The following POPDC1 variants were observed in gnomAD, a reference collection of about 807,000 sequenced individuals.
The protein encoded by POPDC1 is popeye domain-containing protein 1.
the POPDC1 span, chr6:105,133,291 G>A: frequency 2.9e-6 from 4 of 1,383,944 alleles, no homozygotes; most frequent in Non-Finnish European, 4.0e-6. Context: ...AGCTCTCAAT[G>A]TAAAGCCCAT....
the POPDC1 span, chr6:105,097,041 T>G: frequency 6.6e-6 from 1 of 152,630 alleles, no homozygotes; most frequent in Non-Finnish European, 1.5e-5. Context: ...CAGAAAAACC[T>G]ATAAATAGTA....
At chr6:105,111,012 A>G in the POPDC1 span, among the ~76,000 whole-genome samples, 13 of 152,328 alleles carry the variant, frequency 8.5e-5, no homozygotes, top group South Asian at 2.7e-3. Context: ...GACACTAATA[A>G]CAAACAAAAT....
At chr6:105,107,780 G>A in the POPDC1 span, among the ~76,000 whole-genome samples, 1 of 152,122 alleles carries the variant, frequency 6.6e-6, no homozygotes, top group Non-Finnish European at 1.5e-5. Flanking sequence ...AATTTTTGAA[G>A]AATGGGAATG....
At chr6:105,108,850 G>T in the POPDC1 span, among the ~76,000 whole-genome samples, 7 of 152,202 alleles carry the variant, frequency 4.6e-5, no homozygotes, top group Admixed American at 2.0e-4. Context: ...AAGGCTAATT[G>T]CAGTTATAAA....
At chr6:105,125,611 A>G in the POPDC1 span, 26 of 1,596,568 alleles carry the variant, frequency 1.6e-5, no homozygotes, top group Non-Finnish European at 2.1e-5. Context: ...TGCTTCACCA[A>G]TGCAGCAGCA....
the POPDC1 span, chr6:105,133,568 T>C: frequency 6.4e-7 from 1 of 1,572,514 alleles, no homozygotes; most frequent in East Asian, 2.3e-5. Flanking sequence ...CTGGACTCTG[T>C]ATAATTCATT....
chr6:105,109,453 A>G, the POPDC1 span, among the ~76,000 whole-genome samples: 1 of 152,024 alleles, frequency 6.6e-6, no homozygotes, highest in African/African-American at 2.4e-5. Context: ...GTCCCCCTAG[A>G]GTTGGTGAGA....
the POPDC1 span, among the ~76,000 whole-genome samples, chr6:105,110,170 T>C: frequency 1.3e-5 from 2 of 152,126 alleles, no homozygotes; most frequent in African/African-American, 2.4e-5. Context: ...AACACCCACC[T>C]CGTAGGGTGG....
the POPDC1 span, chr6:105,136,596 G>A: frequency 6.6e-6 from 1 of 152,408 alleles, no homozygotes; most frequent in Admixed American, 6.5e-5. Flanking sequence ...AGCTCACCAA[G>A]GGGCTTGCCG....
the POPDC1 span, chr6:105,124,578 G>T: frequency 1.2e-6 from 2 of 1,611,426 alleles, no homozygotes; most frequent in Non-Finnish European, 1.7e-6. Context: ...CATCTGAGTT[G>T]ATCTAAATTC....
At chr6:105,105,616 T>C in the POPDC1 span, among the ~76,000 whole-genome samples, 1 of 152,182 alleles carries the variant, frequency 6.6e-6, no homozygotes, top group Admixed American at 6.5e-5. Flanking sequence ...GAACCCCTAA[T>C]ACATCCAAAA....
the POPDC1 span, among the ~76,000 whole-genome samples, chr6:105,102,506 G>C: frequency 6.6e-6 from 1 of 152,190 alleles, no homozygotes; most frequent in African/African-American, 2.4e-5. Context: ...CTGGCCCCTG[G>C]TATGGCACAG....
the POPDC1 span, chr6:105,097,675 G>A: frequency 6.6e-6 from 1 of 152,212 alleles, no homozygotes; most frequent in Non-Finnish European, 1.5e-5. Context: ...TGACATGGAG[G>A]AATCTGCAGC....
At chr6:105,128,011 C>T in the POPDC1 span, among the ~76,000 whole-genome samples, 3 of 152,250 alleles carry the variant, frequency 2.0e-5, no homozygotes, top group Non-Finnish European at 4.4e-5. Flanking sequence ...CCACCCGCCT[C>T]GGCTTCCCGA....
the POPDC1 span, among the ~76,000 whole-genome samples, chr6:105,135,790 C>T: frequency 3.9e-5 from 6 of 152,086 alleles, no homozygotes; most frequent in Non-Finnish European, 7.4e-5. Context: ...TGCCAGTTAC[C>T]TATTGTCGAA....
the POPDC1 span, among the ~76,000 whole-genome samples, chr6:105,102,518 G>A: frequency 6.6e-6 from 1 of 152,210 alleles, no homozygotes. Context: ...ATGGCACAGG[G>A]GGAGGGAGCA....
At chr6:105,113,488 G>A in the POPDC1 span, among the ~76,000 whole-genome samples, 10 of 152,102 alleles carry the variant, frequency 6.6e-5, no homozygotes, top group Non-Finnish European at 1.3e-4. Context: ...GACTTCTGTG[G>A]CCCAGGGAAC....
chr6:105,117,917 G>A, the POPDC1 span, among the ~76,000 whole-genome samples: 1 of 152,124 alleles, frequency 6.6e-6, no homozygotes, highest in African/African-American at 2.4e-5. Flanking sequence ...ATGGTGGCAT[G>A]TGCCTGTAGT....
chr6:105,136,320 C>T, the POPDC1 span: 2 of 152,270 alleles, frequency 1.3e-5, no homozygotes, highest in Non-Finnish European at 1.5e-5. Flanking sequence ...GTGGCGCGGA[C>T]CTCGGGTCCC....
Sources: gnomAD v4.1 joint callset for allele counts (sites outside exome capture counted in the v4.1 genomes callset) on GRCh38, gnomAD v4.1.1 for gene constraint, MANE v1.5 for transcripts, NCBI Gene and HGNC (gene_info 2026-07-23, HGNC 2026-07-21) for gene names.